Variants in RAD54B observed in about 807,000 individuals in gnomAD.
RAD54B encodes the protein RAD54 homolog B, also known as DNA repair and recombination protein RAD54B.
RAD54B carries 78 observed loss-of-function variants against 95.8 expected under a neutral mutation model. The observed-to-expected ratio is 0.81, with a 90% CI of 0.68 to 0.98. The LOEUF is 0.98. Ranked by LOEUF, RAD54B falls within the 50% of genes least tolerant of loss-of-function variation. RAD54B has a pLI of 0.00. For synonymous variants in RAD54B, 328 were observed against 354.9 expected, an observed-to-expected ratio of 0.92 and a Z score of 0.85; for missense variants, 957 against 1,056.6, an observed-to-expected ratio of 0.91 and a Z score of 1.31.
At chr8:94,443,251 A>G (rs1384593205) in intron 3 of RAD54B, among the ~76,000 whole-genome samples, 3 of 152,152 alleles carry the variant, frequency 2.0e-5, no homozygotes, top group African/African-American at 4.8e-5. Flanking sequence ...GTTCTCACTT[A>G]TAAGTGGGAG....
At chr8:94,419,747 C>CAAAAAA (rs36042247) in intron 3 of RAD54B, among the ~76,000 whole-genome samples, 4 of 70,310 alleles carry the variant, frequency 5.7e-5, no homozygotes, top group Non-Finnish European at 1.1e-4. Flanking sequence ...TGGCCCCCAC[C>CAAAAAA]AAAAAAAAAA....
At chr8:94,457,813 G>A (rs1443051509) in intron 3 of RAD54B, among the ~76,000 whole-genome samples, 1 of 152,112 alleles carries the variant, frequency 6.6e-6, no homozygotes, top group Admixed American at 6.5e-5. Context: ...CAACAATAGA[G>A]GGATGGAGCA....
chr8:94,379,535 T>A (rs957127241), intron 12 of RAD54B, among the ~76,000 whole-genome samples: 1 of 152,208 alleles, frequency 6.6e-6, no homozygotes, highest in Non-Finnish European at 1.5e-5. Context: ...TTGAGTATTC[T>A]TTACTATAAT....
At chr8:94,424,844 T>C (rs1253357292) in intron 3 of RAD54B, among the ~76,000 whole-genome samples, 1 of 152,026 alleles carries the variant, frequency 6.6e-6, no homozygotes, top group Non-Finnish European at 1.5e-5. Flanking sequence ...AGAGAATCAC[T>C]CAAGCCCAGG....
At chr8:94,372,877 A>G (rs530742261) in intron 14 of RAD54B, 5 of 152,484 alleles carry the variant, frequency 3.3e-5, no homozygotes, top group Non-Finnish European at 2.9e-5. Flanking sequence ...TGCCACAAAT[A>G]ATTTTGTCAC....
intron 3 of RAD54B, among the ~76,000 whole-genome samples, chr8:94,443,000 C>G (rs1236697898): frequency 6.6e-6 from 1 of 152,154 alleles, no homozygotes; most frequent in East Asian, 1.9e-4. Flanking sequence ...GGATACATAT[C>G]CCCTAAAACC....
intron 11 of RAD54B, among the ~76,000 whole-genome samples, chr8:94,381,675 T>C (rs1165664665): frequency 6.6e-6 from 1 of 151,868 alleles, no homozygotes; most frequent in East Asian, 1.9e-4. Flanking sequence ...ACAGGAGAGC[T>C]GGAAGATAAT....
intron 3 of RAD54B, among the ~76,000 whole-genome samples, chr8:94,452,476 GAA>G (rs895914847): frequency 1.6e-4 from 24 of 152,088 alleles, no homozygotes; most frequent in Admixed American, 1.6e-3. Context: ...TAAATTTGTG[GAA>G]GTTTTTTATA....
At chr8:94,375,084 A>G (rs1485747727) in intron 14 of RAD54B, among the ~76,000 whole-genome samples, 2 of 152,226 alleles carry the variant, frequency 1.3e-5, no homozygotes, top group Non-Finnish European at 2.9e-5. Context: ...GGGAGTGTGT[A>G]AATTGACACA....
chr8:94,474,701 T>A (rs1388225993), intron 1 of RAD54B, among the ~76,000 whole-genome samples: 1 of 152,074 alleles, frequency 6.6e-6, no homozygotes, highest in Admixed American at 6.5e-5. Flanking sequence ...AAGAGGAGCC[T>A]GCGCAAAGCG....
intron 3 of RAD54B, among the ~76,000 whole-genome samples, chr8:94,414,882 G>A (rs1586149887): frequency 6.6e-6 from 1 of 152,114 alleles, no homozygotes; most frequent in African/African-American, 2.4e-5. Context: ...CAAACAAATG[G>A]AAGAACATTC....
intron 5 of RAD54B, among the ~76,000 whole-genome samples, chr8:94,405,472 A>G (rs1407374366): frequency 2.6e-5 from 4 of 152,214 alleles, no homozygotes; most frequent in Non-Finnish European, 5.9e-5. Flanking sequence ...AGTCATGTTT[A>G]CCATTAACAA....
intron 4 of RAD54B, among the ~76,000 whole-genome samples, chr8:94,410,153 G>A (rs1675612602): frequency 6.6e-6 from 1 of 151,986 alleles, no homozygotes; most frequent in Admixed American, 6.6e-5. Context: ...ATTCTCTCTT[G>A]CACATGGCCC....
In RAD54B at chr8:94,380,396, C is replaced by A; in HGVS notation, c.1996G>T (p.Val666Leu). Residue 666 changes from valine to leucine, a missense_variant, in exon 12 of 15, where the codon GTA (valine) becomes TTA (leucine). Coordinates refer to ENST00000336148, the MANE Select transcript of RAD54B (RefSeq NM_012415.3). ...TTCAAGGTTTGTGTATAGTTGGATACCAACACCACCCTGTCAATCAAAAAG... is the reference window on the plus strand; with the variant it reads ...TTCAAGGTTTGTGTATAGTTGGATAACAACACCACCCTGTCAATCAAAAAG... ...ELRPTEKVVL[V>L]SNYTQTLNIL... The A allele has an allele frequency of 6.3e-7, 1 of 1,588,106 alleles. No homozygotes were observed. Among genetic ancestry groups the A allele is most frequent in the South Asian group, 1.1e-5 (1 of 87,112 alleles).
chr8:94,475,059 AT>A lies in RAD54B; in HGVS notation c.-76del, dbSNP rs1813271486. The A allele has an allele frequency of 6.6e-6, 1 of 152,340 alleles. No individual in the cohort carries two copies. The highest frequency in any genetic ancestry group is 1.5e-5 in the Non-Finnish European group (1 of 68,144). The allele number at this position is 152,340 out of a possible 1,614,324, so 9.4% of individuals were successfully genotyped here. ...AAAGAAGTCCTTCTGGTAACCAGCTATCCCCTCGCCGCCGGAGAAGCTCAAG... is the reference window on the plus strand; with the variant it reads ...AAAGAAGTCCTTCTGGTAACCAGCTACCCCTCGCCGCCGGAGAAGCTCAAG... On this transcript the variant is annotated 5_prime_UTR_variant, in exon 1 of 15. Coordinates refer to ENST00000336148, the MANE Select transcript of RAD54B (RefSeq NM_012415.3).
At chr8:94,465,860 A>T (rs979636968) in intron 2 of RAD54B, among the ~76,000 whole-genome samples, 1 of 152,242 alleles carries the variant, frequency 6.6e-6, no homozygotes, top group Non-Finnish European at 1.5e-5. Flanking sequence ...ACACACTACA[A>T]CATGGATGAA....
At chr8:94,467,122 C>T (rs1254910661) in intron 2 of RAD54B, among the ~76,000 whole-genome samples, 1 of 152,068 alleles carries the variant, frequency 6.6e-6, no homozygotes, top group African/African-American at 2.4e-5. Flanking sequence ...GAGACAGGGT[C>T]TCACTATGTT....
chr8:94,439,697 G>A (rs1425045791), intron 3 of RAD54B, among the ~76,000 whole-genome samples: 6 of 152,232 alleles, frequency 3.9e-5, no homozygotes, highest in African/African-American at 1.2e-4. Flanking sequence ...GGGTGGCGGC[G>A]GGGGCGGTGT....
chr8:94,427,665 C>T, intron 3 of RAD54B: 1 of 965,202 alleles, frequency 1.0e-6, no homozygotes, highest in Non-Finnish European at 1.2e-6. Flanking sequence ...TTTACCTCTA[C>T]AGTACTGAAT....
Sources: gnomAD v4.1 joint callset for allele counts (sites outside exome capture counted in the v4.1 genomes callset) on GRCh38, gnomAD v4.1.1 for gene constraint, MANE v1.5 for transcripts, NCBI Gene and HGNC (gene_info 2026-07-23, HGNC 2026-07-21) for gene names.